NUP153: variants seen among roughly 807,000 people sequenced by gnomAD.
The protein encoded by NUP153 is nucleoporin 153, also known as nuclear pore complex protein Nup153.
In NUP153, 27 loss-of-function variants were observed where a neutral mutation model predicts 134.6. The observed-to-expected ratio is 0.20, with a 90% CI of 0.15 to 0.28. The LOEUF (loss-of-function observed/expected upper bound fraction) is 0.28, where lower values mean the gene tolerates loss of function less well. Among genes scored for constraint, NUP153 ranks in the 10% least tolerant of loss-of-function variants. The pLI, the probability that NUP153 is intolerant of heterozygous loss-of-function variation, is 1.00. For missense variants in NUP153, 1,821 were observed against 1,731.3 expected (o/e 1.05, Z -0.92); for synonymous variants, 640 against 623.5 (o/e 1.03, Z -0.40).
intron 11 of NUP153, among the ~76,000 whole-genome samples, chr6:17,658,515 GA>G (rs1448027992): frequency 2.6e-5 from 4 of 152,186 alleles, no homozygotes; most frequent in African/African-American, 9.7e-5. Context: ...CCAGCCACTG[GA>G]AGTTGACAAT....
intron 12 of NUP153, among the ~76,000 whole-genome samples, chr6:17,648,706 G>C (rs996044032): frequency 2.0e-5 from 3 of 152,150 alleles, no homozygotes; most frequent in Non-Finnish European, 4.4e-5. Context: ...AGGAGGCTGA[G>C]GTGGGAGGAT....
At chr6:17,632,201 C>T (rs1561859774) in intron 17 of NUP153, among the ~76,000 whole-genome samples, 1 of 151,902 alleles carries the variant, frequency 6.6e-6, no homozygotes, top group Non-Finnish European at 1.5e-5. Context: ...ACTTGGGAGG[C>T]TGAGGCAGGG....
intron 11 of NUP153, among the ~76,000 whole-genome samples, chr6:17,658,804 G>A (rs954579668): frequency 6.6e-6 from 1 of 152,026 alleles, no homozygotes; most frequent in East Asian, 1.9e-4. Context: ...GATTTTATAC[G>A]ATAACCGGTT....
chr6:17,676,395 T>G (rs905834115), intron 2 of NUP153, among the ~76,000 whole-genome samples: 1 of 151,740 alleles, frequency 6.6e-6, no homozygotes, highest in Non-Finnish European at 1.5e-5. Context: ...TGTATCTTTA[T>G]ACTTCTGCAC....
chr6:17,669,040 A>C lies in NUP153; in HGVS notation c.1015-12T>G, dbSNP rs376657928. 7 of 1,505,058 alleles carry C rather than the reference A, an allele frequency of 4.7e-6. No homozygotes were observed. The highest frequency in any genetic ancestry group is 5.3e-6 in the Non-Finnish European group (6 of 1,126,888). 93.2% of individuals were successfully genotyped at this position (1,505,058 alleles called of 1,614,324 possible). On this transcript the variant is annotated splice_polypyrimidine_tract_variant and intron_variant, in intron 7 of 21. Transcript: ENST00000262077. ...CTCCTATCAAGAGGCTGAAAAAAAA[A>C]AAAAACACTATTAGAATAGATGGGG...
intron 11 of NUP153, among the ~76,000 whole-genome samples, chr6:17,658,532 G>A (rs548031852): frequency 6.6e-6 from 1 of 152,298 alleles, no homozygotes; most frequent in South Asian, 2.1e-4. Context: ...ACAATAACCA[G>A]TCACTGGAAG....
At chr6:17,621,561 GCACTGAAGGA>G in intron 20 of NUP153, among the ~76,000 whole-genome samples, 1 of 152,262 alleles carries the variant, frequency 6.6e-6, no homozygotes, top group Non-Finnish European at 1.5e-5. Context: ...AACATCTATG[GCACTGAAGGA>G]CATTATGTTA....
chr6:17,630,827 A>G (rs1765214986), intron 17 of NUP153, among the ~76,000 whole-genome samples: 1 of 151,686 alleles, frequency 6.6e-6, no homozygotes, highest in African/African-American at 2.4e-5. Context: ...GAGAAAAGAG[A>G]AGAGAGCAAG....
chr6:17,639,443 A>G (rs1765729461), intron 15 of NUP153, among the ~76,000 whole-genome samples: 2 of 152,176 alleles, frequency 1.3e-5, no homozygotes, highest in South Asian at 2.1e-4. Flanking sequence ...CAAACAAAAA[A>G]TTATTCTTAT....
intron 2 of NUP153, among the ~76,000 whole-genome samples, chr6:17,682,838 A>G (rs1472192482): frequency 2.7e-5 from 4 of 150,586 alleles, no homozygotes; most frequent in Non-Finnish European, 5.9e-5. Flanking sequence ...GAATTGCTTT[A>G]TCGCAGGAGG....
intron 2 of NUP153, among the ~76,000 whole-genome samples, chr6:17,686,915 G>A (rs1281594957): frequency 6.7e-6 from 1 of 149,304 alleles, no homozygotes. Flanking sequence ...GGCGGGGAGT[G>A]GGGGGTGTCA....
chr6:17,696,859 G>C (rs936434222), intron 1 of NUP153, among the ~76,000 whole-genome samples: 2 of 152,070 alleles, frequency 1.3e-5, no homozygotes, highest in African/African-American at 4.8e-5. Context: ...GATCACTTGA[G>C]GTCAGGAGTT....
intron 1 of NUP153, 134 bp from the exon 2 acceptor site, chr6:17,688,752 T>TA: frequency 1.6e-6 from 1 of 634,346 alleles, no homozygotes; most frequent in Non-Finnish European, 2.7e-6. Flanking sequence ...TTACTACAGT[T>TA]ACTGCTAACA....
chr6:17,676,450 G>A (rs1337471017), intron 2 of NUP153, among the ~76,000 whole-genome samples: 3 of 152,000 alleles, frequency 2.0e-5, no homozygotes, highest in Non-Finnish European at 4.4e-5. Context: ...TTTAATGCGT[G>A]TTGAAGTTAC....
rs763785323 is a variant in NUP153 at position 17,616,684 on chromosome 6, G to C, written c.4186C>G (p.Gln1396Glu). The change falls in exon 21 of 22, where the codon CAG (glutamine) becomes GAG (glutamate). Residue 1396 changes from glutamine (Q) to glutamate (E), a missense_variant. Physicochemically the swap from Gln to Glu is conservative, Grantham distance 29. Transcript: ENST00000262077. ...AAATTTGTAGTGCTGCTGCCAAACTGGAAAGCCGAACCTGCAATAGTTAAA... is the reference window on the plus strand; with the variant it reads ...AAATTTGTAGTGCTGCTGCCAAACTCGAAAGCCGAACCTGCAATAGTTAAA... ...GTTPNSSSAFQFGSSTTNFNF... is the reference protein window; with the variant it reads ...GTTPNSSSAFEFGSSTTNFNF... 2.5e-6 allele frequency: 4 copies of C among 1,612,120 alleles called. No homozygotes were observed. The highest frequency in any genetic ancestry group is 2.5e-6 in the Non-Finnish European group (3 of 1,178,774).
intron 16 of NUP153, among the ~76,000 whole-genome samples, chr6:17,634,011 T>C (rs1211526589): frequency 6.6e-6 from 1 of 152,230 alleles, no homozygotes; most frequent in African/African-American, 2.4e-5. Context: ...ACTGTCTTAC[T>C]TGGTTAGCTT....
In NUP153 at chr6:17,639,927, T is replaced by C. The variant is rs1765748634; in HGVS notation, c.1846+12A>G. The C allele has an allele frequency of 6.3e-7, 1 of 1,593,372 alleles. No individual in the cohort carries two copies. Among genetic ancestry groups the C allele is most frequent in the South Asian group, 1.1e-5 (1 of 87,048 alleles). ...GTTTGTAATCAAAAGGCTTATCTTT[T>C]AATTATCTTACCAGGGCTTTTCAGA... On this transcript the variant is annotated intron_variant, in intron 15 of 21. Coordinates refer to ENST00000262077, the MANE Select transcript of NUP153 (RefSeq NM_005124.4).
At chr6:17,699,695 C>CGTGGT (rs1405635300) in intron 1 of NUP153, among the ~76,000 whole-genome samples, 1 of 151,756 alleles carries the variant, frequency 6.6e-6, no homozygotes, top group Non-Finnish European at 1.5e-5. Context: ...AATAGCCAGG[C>CGTGGT]GTGGTGGCAC....
In NUP153 at chr6:17,649,127, A is replaced by G. The variant is rs768963943; in HGVS notation, c.1533+36T>C. 2.6e-6 allele frequency: 4 copies of G among 1,549,310 alleles called. No individual in the cohort carries two copies. The African/African-American group carries it at 5.6e-5, about 22-fold the overall frequency. ...TTTTTAAATAAAGAATTAAGAAAGA[A>G]CAAATGTCACCTGTATTTATATAAT... On this transcript the variant is annotated intron_variant, in intron 12 of 21. Transcript: ENST00000262077.
Sources: gnomAD v4.1 joint callset for allele counts (sites outside exome capture counted in the v4.1 genomes callset) on GRCh38, gnomAD v4.1.1 for gene constraint, MANE v1.5 for transcripts, NCBI Gene and HGNC (gene_info 2026-07-23, HGNC 2026-07-21) for gene names.